Variants in TNRC6A observed in about 807,000 individuals in gnomAD.
TNRC6A encodes trinucleotide repeat-containing gene 6A protein.
A neutral mutation model predicts 221.2 loss-of-function variants in TNRC6A; 44 were observed. The ratio of observed to expected loss-of-function variants is 0.20; its 90% confidence interval spans 0.16 to 0.26. The LOEUF is 0.26. Ranked by LOEUF, TNRC6A falls within the 10% of genes least tolerant of loss-of-function variation. TNRC6A has a pLI of 1.00. For synonymous variants in TNRC6A, 847 were observed against 838.5 expected (o/e 1.01, Z -0.18); for missense variants, 2,199 against 2,404.4 (o/e 0.91, Z 1.79).
At chr16:24,659,197 T>C (rs933560481) in intron 2 of TNRC6A, among the ~76,000 whole-genome samples, 4 of 152,192 alleles carry the variant, frequency 2.6e-5, no homozygotes, top group African/African-American at 9.7e-5. Context: ...TTTTCTAACT[T>C]CTTTGAGTGA....
At chr16:24,744,752 C>A (rs996735191) in intron 2 of TNRC6A, among the ~76,000 whole-genome samples, 1 of 152,172 alleles carries the variant, frequency 6.6e-6, no homozygotes, top group African/African-American at 2.4e-5. Context: ...GCATTGCTGC[C>A]ACTCTGTCTG....
rs1053530799 is a variant in TNRC6A at position 24,729,781 on chromosome 16, G to C, written c.-61G>C. 1.0e-5 allele frequency: 14 copies of C among 1,392,008 alleles called. No homozygotes were observed. Among genetic ancestry groups the C allele is most frequent in the Non-Finnish European group, 1.2e-5 (13 of 1,067,952 alleles). 86.2% of individuals were successfully genotyped at this position (1,392,008 alleles called of 1,614,324 possible). ...TCGGGCCTCTCCCCGCGGCGCTGCG[G>C]AGGGCTTGAGGCTCGCGAGCCTCCT... On this transcript the variant is annotated 5_prime_UTR_variant, in exon 1 of 25. Transcript: ENST00000395799.
Position 24,665,546 on chromosome 16 carries a change from T to G in TNRC6A, n.402+24537T>G, listed in dbSNP as rs112455615. On this transcript the variant is annotated intron_variant and non_coding_transcript_variant, in intron 2 of 2. Coordinates refer to the TNRC6A transcript ENST00000566108. ...TTCACAGTCATAACAATAGTCTTGTTCCATATTACCTTAAAATAGTTTCTC... is the reference window on the plus strand; with the variant it reads ...TTCACAGTCATAACAATAGTCTTGTGCCATATTACCTTAAAATAGTTTCTC... Among the ~76,000 whole-genome samples the G allele has an allele frequency of 3.9e-3, 589 of 152,318 alleles. 6 individuals are homozygous for G. Among genetic ancestry groups the G allele is most frequent in the African/African-American group, 0.013 (550 of 41,572 alleles).
intron 2 of TNRC6A, among the ~76,000 whole-genome samples, chr16:24,659,401 C>T (rs925310421): frequency 2.6e-5 from 4 of 152,164 alleles, no homozygotes; most frequent in Middle Eastern, 3.4e-3. Flanking sequence ...TCTCTCTCCT[C>T]GTGCCCTCAA....
intron 9 of TNRC6A, among the ~76,000 whole-genome samples, chr16:24,797,049 C>T (rs1414789667): frequency 2.6e-5 from 4 of 152,154 alleles, no homozygotes; most frequent in African/African-American, 9.7e-5. Context: ...CAGTAGGATG[C>T]ATATAGCATA....
chr16:24,661,629 G>T (rs1222874335), intron 2 of TNRC6A: 1 of 152,098 alleles, frequency 6.6e-6, no homozygotes, highest in Non-Finnish European at 1.5e-5. Context: ...GGCCAGGATG[G>T]TCTCGATCTC....
At chr16:24,784,367 T>C (rs1306292266) in intron 5 of TNRC6A, among the ~76,000 whole-genome samples, 2 of 151,864 alleles carry the variant, frequency 1.3e-5, no homozygotes, top group Non-Finnish European at 2.9e-5. Context: ...CTCTGTCTCC[T>C]AGGCTGAGTG....
chr16:24,746,976 T>C (rs1438910753), intron 2 of TNRC6A, among the ~76,000 whole-genome samples: 2 of 152,170 alleles, frequency 1.3e-5, no homozygotes, highest in Non-Finnish European at 2.9e-5. Context: ...TGAGCCACCA[T>C]ACCCGGCCAG....
At chr16:24,645,466 G>C (rs192088519) in intron 2 of TNRC6A, among the ~76,000 whole-genome samples, 1 of 151,376 alleles carries the variant, frequency 6.6e-6, no homozygotes, top group Non-Finnish European at 1.5e-5. Flanking sequence ...CTCCAGCCTG[G>C]GCAACAGAGT....
At chr16:24,776,887 C>CT (rs766280641) in intron 4 of TNRC6A, 46 bp from the exon 5 acceptor site, 1 of 1,574,048 alleles carries the variant, frequency 6.4e-7, no homozygotes. Flanking sequence ...TGGAGGTACA[C>CT]TTTACTGGCT....
rs116331022 is a variant in TNRC6A at position 24,757,885 on chromosome 16, G to A, written c.142-454G>A. Among the ~76,000 whole-genome samples, 626 of 152,294 alleles carry A rather than the reference G, an allele frequency of 4.1e-3. 4 individuals are homozygous for A. The highest frequency in any genetic ancestry group is 0.014 in the African/African-American group (595 of 41,554). On this transcript the variant is annotated intron_variant, in intron 3 of 24. Transcript: ENST00000395799. ...TAAATTTATTACTAATTTGGCTAAA[G>A]TGATTATATGTACAGCTTTTCTTAC...
At chr16:24,666,668 A>AAAAAT (rs1555487103) in intron 2 of TNRC6A, among the ~76,000 whole-genome samples, 14 of 65,132 alleles carry the variant, frequency 2.1e-4, no homozygotes, top group Admixed American at 1.1e-3. Flanking sequence ...AAAAAAAAAA[A>AAAAAT]ATATATATAT....
At chr16:24,701,380 T>C (rs2142214229) in intron 2 of TNRC6A, among the ~76,000 whole-genome samples, 1 of 151,838 alleles carries the variant, frequency 6.6e-6, no homozygotes, top group South Asian at 2.1e-4. Flanking sequence ...TTTTTTTTTT[T>C]TTTGAGACGG....
In TNRC6A at chr16:24,814,285, C is replaced by T. The variant is rs72770422; in HGVS notation, c.4673-862C>T. On this transcript the variant is annotated intron_variant, in intron 18 of 24. Coordinates refer to ENST00000395799, the MANE Select transcript of TNRC6A (RefSeq NM_014494.4). ...TGTTATAGATGTTCATAGTGGGAGCCGGCTGGAGTTGCGAGCGAGGTTCTA... is the reference window on the plus strand; with the variant it reads ...TGTTATAGATGTTCATAGTGGGAGCTGGCTGGAGTTGCGAGCGAGGTTCTA... Among the ~76,000 whole-genome samples, 1,249 of 152,002 alleles carry T rather than the reference C, an allele frequency of 8.2e-3. 10 individuals are homozygous for T. Among genetic ancestry groups the T allele is most frequent in the Middle Eastern group, 0.041 (12 of 294 alleles).
At chr16:24,697,857 T>C (rs546345580) in intron 2 of TNRC6A, among the ~76,000 whole-genome samples, 1 of 151,966 alleles carries the variant, frequency 6.6e-6, no homozygotes, top group Admixed American at 6.6e-5. Context: ...CTGACCAACA[T>C]GGTGAAACCC....
At chr16:24,780,979 C>T (rs1372289942) in intron 5 of TNRC6A, among the ~76,000 whole-genome samples, 7 of 149,424 alleles carry the variant, frequency 4.7e-5, no homozygotes, top group Non-Finnish European at 7.4e-5. Context: ...GCACCTTCCC[C>T]TTGGACGATA....
At chr16:24,735,203 TG>T (rs1294390143) in intron 2 of TNRC6A, among the ~76,000 whole-genome samples, 2 of 152,098 alleles carry the variant, frequency 1.3e-5, no homozygotes, top group Non-Finnish European at 2.9e-5. Flanking sequence ...AATCTGAACC[TG>T]GGAGGTGGAG....
At chr16:24,630,266 G>C (rs1364422565) in intron 1 of TNRC6A, among the ~76,000 whole-genome samples, 1 of 152,088 alleles carries the variant, frequency 6.6e-6, no homozygotes, top group Non-Finnish European at 1.5e-5. Flanking sequence ...TCTCTCACCT[G>C]CTCAGGGACT....
chr16:24,679,032 CTT>C (rs549543962), intron 2 of TNRC6A, among the ~76,000 whole-genome samples: 28 of 138,972 alleles, frequency 2.0e-4, no homozygotes, highest in Admixed American at 9.1e-4. Flanking sequence ...GAGTTTCGCT[CTT>C]GTTGCCCAGG....
Sources: allele counts gnomAD v4.1 joint callset (sites outside exome capture counted in the v4.1 genomes callset), GRCh38; gene constraint gnomAD v4.1.1; transcripts MANE v1.5; gene names NCBI Gene and HGNC (gene_info 2026-07-23, HGNC 2026-07-21).